The following OR51B5 variants were observed in gnomAD, a reference collection of about 807,000 sequenced individuals.
The protein encoded by OR51B5 is olfactory receptor family 51 subfamily B member 5, also known as olfactory receptor 51B5.
For missense variants in OR51B5, 456 were observed against 374.6 expected, an observed-to-expected ratio of 1.22 and a Z score of -1.79; for synonymous variants, 186 against 144.8, an observed-to-expected ratio of 1.28 and a Z score of -2.04.
intron 1 of OR51B5, among the ~76,000 whole-genome samples, chr11:5,394,461 A>T (rs540143868): frequency 3.9e-5 from 6 of 152,204 alleles, no homozygotes; most frequent in Non-Finnish European, 8.8e-5. Context: ...GCTTTAAATC[A>T]TCTGGCCCAT....
intron 1 of OR51B5, among the ~76,000 whole-genome samples, chr11:5,450,814 G>A (rs1033506838): frequency 9.2e-5 from 14 of 152,176 alleles, no homozygotes; most frequent in African/African-American, 1.2e-4. Flanking sequence ...GTGAGAGCAT[G>A]CGGTGTTTGG....
chr11:5,460,366 C>T (rs956893394), intron 1 of OR51B5, among the ~76,000 whole-genome samples: 2 of 152,176 alleles, frequency 1.3e-5, no homozygotes, highest in Admixed American at 6.5e-5. Context: ...ATATAACAAA[C>T]CTGCACATGT....
chr11:5,489,025 G>A lies in OR51B5; in HGVS notation n.84+16544C>T, dbSNP rs762921810. On this transcript the variant is annotated intron_variant and non_coding_transcript_variant, in intron 1 of 4. Coordinates refer to the OR51B5 transcript ENST00000415970. Reference sequence around the variant, plus strand: ...TGGATGCCTGGCCCAGATGTTTTGTGTCCATTCTATCTATGCTCTGGAGTC... The same window carrying A: ...TGGATGCCTGGCCCAGATGTTTTGTATCCATTCTATCTATGCTCTGGAGTC... 8 of 1,613,920 alleles carry A rather than the reference G, an allele frequency of 5.0e-6. No individual in the cohort carries two copies. In the South Asian group the frequency reaches 5.5e-5, roughly 11 times the overall value.
intron 1 of OR51B5, among the ~76,000 whole-genome samples, chr11:5,475,470 G>T (rs1289026939): frequency 2.0e-5 from 3 of 151,582 alleles, no homozygotes; most frequent in African/African-American, 7.3e-5. Flanking sequence ...CCCTTCACTG[G>T]GCTAGTTATT....
Position 5,424,929 on chromosome 11 carries a change from C to T in OR51B5, n.85-78019G>A, listed in dbSNP as rs1191026807. Among the ~76,000 whole-genome samples, 3 of 102,288 alleles carry T rather than the reference C, an allele frequency of 2.9e-5. 1 individual carries two copies. The highest frequency in any genetic ancestry group is 6.6e-5 in the Non-Finnish European group (3 of 45,590). 67.1% of individuals were successfully genotyped at this position (102,288 alleles called of 152,430 possible). On this transcript the variant is annotated intron_variant and non_coding_transcript_variant, in intron 1 of 4. Transcript: ENST00000415970. ...CCCGGGAGGCGGAGCTTGCAGTGAG[C>T]CGAGATCCCGCCACTGCACTCCAGC...
chr11:5,355,656 T>A (rs758744517), intron 1 of OR51B5: 1 of 152,260 alleles, frequency 6.6e-6, no homozygotes, highest in Non-Finnish European at 1.5e-5. Flanking sequence ...TAAAGTAAGA[T>A]AGGTGATGTG....
intron 1 of OR51B5, chr11:5,489,767 C>A: frequency 1.3e-6 from 1 of 780,546 alleles, no homozygotes; most frequent in Non-Finnish European, 2.2e-6. Flanking sequence ...TATGACATGG[C>A]AGGAAGCTCT....
intron 1 of OR51B5, among the ~76,000 whole-genome samples, chr11:5,368,459 A>ATTG (rs1564924152): frequency 6.8e-6 from 1 of 146,906 alleles, no homozygotes; most frequent in East Asian, 2.0e-4. Context: ...TATAGAAATC[A>ATTG]TTGCTATTAT....
At chr11:5,360,215 G>C (rs1009345526) in intron 1 of OR51B5, among the ~76,000 whole-genome samples, 9 of 151,748 alleles carry the variant, frequency 5.9e-5, no homozygotes, top group East Asian at 3.9e-4. Flanking sequence ...GCAACATACA[G>C]AATGGGAGAA....
intron 1 of OR51B5, among the ~76,000 whole-genome samples, chr11:5,411,335 G>C (rs1311302744): frequency 6.6e-6 from 1 of 152,164 alleles, no homozygotes; most frequent in African/African-American, 2.4e-5. Context: ...TGTAGCCTAG[G>C]AGCAATAGGC....
At chr11:5,390,310 C>T (rs1334251852) in intron 1 of OR51B5, 12 of 1,613,430 alleles carry the variant, frequency 7.4e-6, no homozygotes, top group South Asian at 1.1e-5. Flanking sequence ...CAATCATATA[C>T]AGCATTAAGA....
intron 1 of OR51B5, among the ~76,000 whole-genome samples, chr11:5,475,121 T>G (rs762710095): frequency 2.6e-5 from 4 of 152,214 alleles, no homozygotes; most frequent in Non-Finnish European, 4.4e-5. Flanking sequence ...AGTCACTCTC[T>G]AGACCCAAAT....
chr11:5,385,440 C>A (rs1849672838), intron 1 of OR51B5: 1 of 152,144 alleles, frequency 6.6e-6, no homozygotes, highest in African/African-American at 2.4e-5. Flanking sequence ...ACCCCAGGCA[C>A]AAAGAATCAG....
chr11:5,497,277 T>C (rs547798691), intron 1 of OR51B5, among the ~76,000 whole-genome samples: 44 of 152,208 alleles, frequency 2.9e-4, no homozygotes, highest in Non-Finnish European at 3.7e-4. Flanking sequence ...ATACAAAAAT[T>C]AGTGCAGGCC....
chr11:5,382,758 T>C (rs1013698765), intron 1 of OR51B5, among the ~76,000 whole-genome samples: 7 of 152,162 alleles, frequency 4.6e-5, no homozygotes, highest in Admixed American at 3.9e-4. Flanking sequence ...TCTCCTACAC[T>C]CTGGCCCTAA....
At chr11:5,406,435 T>C (rs192389846) in intron 1 of OR51B5, among the ~76,000 whole-genome samples, 1 of 152,280 alleles carries the variant, frequency 6.6e-6, no homozygotes, top group East Asian at 1.9e-4. Flanking sequence ...TCTTGGAATC[T>C]CTTGGTGTCT....
intron 1 of OR51B5, among the ~76,000 whole-genome samples, chr11:5,428,607 C>G (rs1349588777): frequency 1.3e-5 from 2 of 152,164 alleles, no homozygotes; most frequent in Non-Finnish European, 2.9e-5. Flanking sequence ...AATTGGATGA[C>G]TACTGTTGTA....
intron 1 of OR51B5, among the ~76,000 whole-genome samples, chr11:5,354,295 T>G (rs761973014): frequency 6.6e-6 from 1 of 152,228 alleles, no homozygotes; most frequent in Non-Finnish European, 1.5e-5. Flanking sequence ...CTTTCTTGAC[T>G]CACCCTCTAG....
chr11:5,395,040 C>T (rs2340327), intron 1 of OR51B5, among the ~76,000 whole-genome samples: 1 of 151,914 alleles, frequency 6.6e-6, no homozygotes, highest in Non-Finnish European at 1.5e-5. Context: ...AGAAGACAGT[C>T]AAGGATCCTC....
Sources: gnomAD v4.1 joint callset for allele counts (sites outside exome capture counted in the v4.1 genomes callset) on GRCh38, gnomAD v4.1.1 for gene constraint, MANE v1.5 for transcripts, NCBI Gene and HGNC (gene_info 2026-07-23, HGNC 2026-07-21) for gene names.